The following YEATS4 variants were observed in gnomAD, a reference collection of about 807,000 sequenced individuals.
YEATS4 encodes the protein YEATS domain-containing protein 4.
Under a neutral mutation model 30.1 loss-of-function variants are expected in YEATS4, and 17 were observed. The ratio of observed to expected loss-of-function variants is 0.56; its 90% CI spans 0.39 to 0.85. YEATS4 has a LOEUF of 0.85. YEATS4 is among the 40% of genes least tolerant of loss of function. The probability of loss-of-function intolerance (pLI) is 0.00; values close to 1 mark genes in which losing one functional copy is unlikely to be tolerated. For synonymous variants in YEATS4, 85 were observed against 87.5 expected, an observed-to-expected ratio of 0.97 and a Z score of 0.16; for missense variants, 142 against 268.3, an observed-to-expected ratio of 0.53 and a Z score of 3.29.
the YEATS4 span, among the ~76,000 whole-genome samples, chr12:69,400,306 C>G: frequency 0.67 from 101,038 of 151,872 alleles, 34,490 homozygotes; most frequent in African/African-American, 0.83. Flanking sequence ...AAAGCCCTAA[C>G]ATTCACTTAG....
At chr12:69,417,142 C>T in the YEATS4 span, among the ~76,000 whole-genome samples, 364 of 141,846 alleles carry the variant, frequency 2.6e-3, 3 homozygotes, top group South Asian at 0.011. Flanking sequence ...ATGGCTTAAA[C>T]ATTTTTTAAA....
the YEATS4 span, among the ~76,000 whole-genome samples, chr12:69,422,433 A>G: frequency 9.2e-5 from 14 of 152,144 alleles, no homozygotes; most frequent in African/African-American, 3.4e-4. Context: ...TAAGTTCAAG[A>G]CCAGCCTGGC....
At chr12:69,425,478 C>G in the YEATS4 span, among the ~76,000 whole-genome samples, 1 of 152,282 alleles carries the variant, frequency 6.6e-6, no homozygotes, top group Admixed American at 6.5e-5. Context: ...TGGTGCACAC[C>G]TTCTCCTATG....
the YEATS4 span, among the ~76,000 whole-genome samples, chr12:69,399,811 A>G: frequency 6.6e-6 from 1 of 152,378 alleles, no homozygotes; most frequent in African/African-American, 2.4e-5. Context: ...AGCAGTAAAA[A>G]TGAATGATGT....
intron 6 of YEATS4, among the ~76,000 whole-genome samples, chr12:69,388,758 G>T (rs534766891): frequency 6.6e-6 from 1 of 152,088 alleles, no homozygotes; most frequent in East Asian, 1.9e-4. Flanking sequence ...GGCTTTTTCT[G>T]TACCAGGCAG....
the YEATS4 span, among the ~76,000 whole-genome samples, chr12:69,412,053 C>A: frequency 6.6e-6 from 1 of 152,204 alleles, no homozygotes; most frequent in Non-Finnish European, 1.5e-5. Flanking sequence ...AGAAGCAGGG[C>A]TGAGGGACAG....
chr12:69,426,145 G>A, the YEATS4 span, among the ~76,000 whole-genome samples: 1 of 152,118 alleles, frequency 6.6e-6, no homozygotes, highest in South Asian at 2.1e-4. Context: ...GGGAAGCTGG[G>A]GCGGGAGGAT....
At chr12:69,373,811 A>T (rs898301705) in intron 6 of YEATS4, among the ~76,000 whole-genome samples, 20 of 152,208 alleles carry the variant, frequency 1.3e-4, no homozygotes, top group African/African-American at 4.8e-4. Flanking sequence ...ATATGGCGAG[A>T]GATAGGAGTC....
the YEATS4 span, among the ~76,000 whole-genome samples, chr12:69,404,400 T>C: frequency 1.3e-5 from 2 of 152,358 alleles, no homozygotes; most frequent in Admixed American, 6.5e-5. Context: ...AGCAGAGCCC[T>C]CATTGAATGG....
intron 2 of YEATS4, chr12:69,364,343 GT>G: frequency 4.2e-6 from 1 of 238,278 alleles, no homozygotes; most frequent in Non-Finnish European, 8.7e-6. Flanking sequence ...AAATAATAAA[GT>G]TAGATATGAA....
At chr12:69,379,499 A>G (rs958687172) in intron 6 of YEATS4, among the ~76,000 whole-genome samples, 5 of 145,804 alleles carry the variant, frequency 3.4e-5, no homozygotes, top group African/African-American at 1.3e-4. Context: ...TGCAACCTCC[A>G]CCTTCCGGGT....
the YEATS4 span, among the ~76,000 whole-genome samples, chr12:69,415,278 CA>C: frequency 7.2e-5 from 11 of 152,092 alleles, no homozygotes; most frequent in African/African-American, 2.4e-4. Flanking sequence ...CATTTAGTGT[CA>C]AAAAGGTATT....
intron 6 of YEATS4, among the ~76,000 whole-genome samples, chr12:69,385,983 A>C (rs1196280508): frequency 3.3e-5 from 5 of 152,234 alleles, no homozygotes; most frequent in Non-Finnish European, 7.3e-5. Flanking sequence ...AAAAAGCCTG[A>C]TAGTCTGTCT....
intron 1 of YEATS4, among the ~76,000 whole-genome samples, 162 bp downstream of exon 1, chr12:69,360,185 C>G (rs1236082339): frequency 6.6e-6 from 1 of 152,122 alleles, no homozygotes; most frequent in Non-Finnish European, 1.5e-5. Flanking sequence ...GAGCGAAAAA[C>G]CGGCGTTCAT....
intron 6 of YEATS4, among the ~76,000 whole-genome samples, chr12:69,389,017 C>A (rs952108648): frequency 1.3e-5 from 2 of 152,136 alleles, no homozygotes; most frequent in African/African-American, 4.8e-5. Context: ...ATTTCTGTTT[C>A]ATAAGTGAGG....
chr12:69,399,293 T>C, the YEATS4 span, among the ~76,000 whole-genome samples: 1 of 150,764 alleles, frequency 6.6e-6, no homozygotes, highest in Admixed American at 6.6e-5. Context: ...CCAGAATATA[T>C]AAAGAACTCT....
At chr12:69,388,091 G>A (rs1458090017) in intron 6 of YEATS4, among the ~76,000 whole-genome samples, 1 of 148,966 alleles carries the variant, frequency 6.7e-6, no homozygotes, top group African/African-American at 2.5e-5. Context: ...AGAGTCTCGC[G>A]CTGTCGCCCA....
At chr12:69,382,743 T>G (rs1284035184) in intron 6 of YEATS4, among the ~76,000 whole-genome samples, 2 of 152,220 alleles carry the variant, frequency 1.3e-5, no homozygotes, top group Non-Finnish European at 1.5e-5. Flanking sequence ...TTTGGTAGAA[T>G]GGTGGCTTGG....
chr12:69,383,303 A>G (rs939276015), intron 6 of YEATS4, among the ~76,000 whole-genome samples: 12 of 151,954 alleles, frequency 7.9e-5, no homozygotes, highest in African/African-American at 2.4e-4. Flanking sequence ...TGGGTGTGGG[A>G]TGTCTGTAAG....
Sources: gnomAD v4.1 joint callset for allele counts (sites outside exome capture counted in the v4.1 genomes callset) on GRCh38, gnomAD v4.1.1 for gene constraint, MANE v1.5 for transcripts, NCBI Gene and HGNC (gene_info 2026-07-23, HGNC 2026-07-21) for gene names.